Variants in LSS observed in about 807,000 individuals in gnomAD.
LSS encodes the protein lanosterol synthase, also known as 2,3-epoxysqualene-lanosterol cyclase.
In LSS, 90 loss-of-function variants were observed where a neutral mutation model predicts 110.3. That is an observed-to-expected ratio of 0.82 (90% CI 0.69 to 0.97). The LOEUF is 0.97. Among genes scored for constraint, LSS ranks in the 50% least tolerant of loss-of-function variants. The pLI is 0.00. For synonymous variants in LSS, 433 were observed against 400.0 expected, an observed-to-expected ratio of 1.08 and a Z score of -0.98; for missense variants, 927 against 990.0, an observed-to-expected ratio of 0.94 and a Z score of 0.85.
chr21:46,194,706 C>T (rs766566511), intron 19 of LSS, 45 bp from the exon 20 acceptor site: 1 of 1,574,246 alleles, frequency 6.4e-7, no homozygotes, highest in South Asian at 1.1e-5. Flanking sequence ...CAAGGAAGGT[C>T]CCAGACCCCT....
chr21:46,205,604 A>G (rs2080036735), intron 17 of LSS, among the ~76,000 whole-genome samples: 1 of 152,264 alleles, frequency 6.6e-6, no homozygotes, highest in South Asian at 2.1e-4. Context: ...ACATTATTAA[A>G]AGAGAGAGAA....
chr21:46,215,115 T>C (rs2080182475), intron 9 of LSS, 65 bp downstream of exon 9: 1 of 1,380,798 alleles, frequency 7.2e-7, no homozygotes, highest in East Asian at 2.3e-5. Flanking sequence ...GCCCGGCCTC[T>C]AGGACTTCAC....
chr21:46,197,841 A>C (rs976038059), intron 17 of LSS, among the ~76,000 whole-genome samples: 7 of 151,070 alleles, frequency 4.6e-5, no homozygotes, highest in Non-Finnish European at 7.4e-5. Flanking sequence ...GTGAGCTGAG[A>C]TTGTGCCACT....
rs1326525876 is a variant in LSS at position 46,207,444 on chromosome 21, C to T, written c.1451G>A (p.Cys484Tyr). ...CAGCCTTACCACAGCCACAGCATCG[C>T]AGAGCCGTTCTCTGGGGATGTGCTC... Reference protein sequence around the residue: ...VTEHIPRERLCDAVAVLLNMR... With the variant: ...VTEHIPRERLYDAVAVLLNMR... Residue 484 changes from cysteine to tyrosine, a missense_variant, in exon 15 of 22, where the codon TGC (cysteine) becomes TAC (tyrosine). By Grantham distance (194) the Cys-to-Tyr change is radical. Transcript: ENST00000397728. 1.9e-6 allele frequency: 3 copies of T among 1,612,444 alleles called. No homozygotes were observed. Among genetic ancestry groups the T allele is most frequent in the Non-Finnish European group, 1.7e-6 (2 of 1,179,648 alleles).
At chr21:46,228,325 G>A (rs2080381924) in intron 2 of LSS, 109 bp downstream of exon 2, 1 of 1,292,288 alleles carries the variant, frequency 7.7e-7, no homozygotes, top group South Asian at 1.5e-5. Context: ...CCTTGGGGAT[G>A]GGCGTCGCTG....
rs1267286947 is a variant in LSS at position 46,209,995 on chromosome 21, G to A, written c.1195-370C>T. Among the ~76,000 whole-genome samples, 2 of 150,788 alleles carry A rather than the reference G, an allele frequency of 1.3e-5. No individual in the cohort carries two copies. Among genetic ancestry groups the A allele is most frequent in the African/African-American group, 2.4e-5 (1 of 40,934 alleles). On this transcript the variant is annotated intron_variant, in intron 12 of 21. Transcript: ENST00000397728. The surrounding 1 kb of genome is among the most constrained non-coding windows in gnomAD (Gnocchi z 4.4). ...AATCCCACCTACCTCATTCCCACCG[G>A]CATAAAAATCCACTCTCGTTTTTCT...
intron 6 of LSS, among the ~76,000 whole-genome samples, chr21:46,217,243 C>CAAAAAAAA (rs752647829): frequency 7.1e-5 from 3 of 42,406 alleles, no homozygotes; most frequent in Non-Finnish European, 1.1e-4. Context: ...GACTCTGTCT[C>CAAAAAAAA]AAAAAAAAAA....
Position 46,215,781 on chromosome 21 carries a change from C to T in LSS, c.796G>A (p.Glu266Lys). Residue 266 changes from glutamate (E) to lysine (K), a missense_variant, in exon 8 of 22, where the codon GAG becomes AAG. Transcript: ENST00000397728. ...VQSLRQELYV[E>K]DFASIDWLAQ... ...AGCCAGTCAATGCTGGCGAAGTCCT[C>T]CACATAGAGCTCCTGGTGGGGGCAG... 6.2e-7 allele frequency: 1 copy of T among 1,610,290 alleles called. No individual in the cohort carries two copies. Among genetic ancestry groups the T allele is most frequent in the South Asian group, 1.1e-5 (1 of 90,628 alleles).
At chr21:46,220,825 G>C (rs2080268593) in intron 5 of LSS, among the ~76,000 whole-genome samples, 1 of 151,766 alleles carries the variant, frequency 6.6e-6, no homozygotes. Context: ...TTGGGGCTTG[G>C]AGAGGTGGAC....
intron 17 of LSS, among the ~76,000 whole-genome samples, chr21:46,205,168 T>C (rs958335521): frequency 1.3e-5 from 2 of 152,198 alleles, no homozygotes; most frequent in African/African-American, 2.4e-5. Flanking sequence ...TGCTTCATAA[T>C]AACCCAGACT....
At chr21:46,199,553 T>G (rs957960360) in intron 17 of LSS, among the ~76,000 whole-genome samples, 1 of 152,204 alleles carries the variant, frequency 6.6e-6, no homozygotes, top group African/African-American at 2.4e-5. Context: ...CACGCTAACA[T>G]TGATAGCAAC....
chr21:46,210,426 A>G (rs368203721), intron 12 of LSS, among the ~76,000 whole-genome samples: 45 of 152,194 alleles, frequency 3.0e-4, no homozygotes, highest in African/African-American at 1.0e-3. Context: ...TCTCAGAAAC[A>G]GCCTTCACCA....
At chr21:46,218,733 T>C (rs1411915235) in intron 6 of LSS, among the ~76,000 whole-genome samples, 2 of 151,278 alleles carry the variant, frequency 1.3e-5, no homozygotes, top group Non-Finnish European at 3.0e-5. Context: ...TGATCTTTTT[T>C]TTTTTTTTTT....
At chr21:46,193,538 G>A (rs1244429910) in intron 20 of LSS, 10 of 438,090 alleles carry the variant, frequency 2.3e-5, no homozygotes, top group African/African-American at 1.1e-4. Flanking sequence ...ATGTACCTAC[G>A]TCTGTGTGTG....
Position 46,191,025 on chromosome 21 carries a change from TG to T in LSS, c.*78del, listed in dbSNP as rs142247529. ...GGGGTTGGAGCCCAAGACAGGGTTA[TG>T]GGAGGGCTCCCCAACCCGGCCAGGA... On this transcript the variant is annotated 3_prime_UTR_variant, in exon 22 of 22. Coordinates refer to ENST00000397728, the MANE Select transcript of LSS (RefSeq NM_002340.6). 29,701 of 1,555,320 alleles carry T rather than the reference TG, an allele frequency of 0.019. 1,204 individuals are homozygous for T. Among genetic ancestry groups the T allele is most frequent in the African/African-American group, 0.14 (10,207 of 73,832 alleles).
chr21:46,188,843 T>G lies in LSS; in HGVS notation c.*2261A>C. ...GCCACTGTGAAGGAAAACAATGCAG[T>G]GAAAGAAAGTTCCTCCTATGTGGAC... is the stretch of plus-strand genomic sequence containing the variant. On this transcript the variant is annotated 3_prime_UTR_variant, in exon 22 of 22. Coordinates refer to ENST00000397728, the MANE Select transcript of LSS (RefSeq NM_002340.6). 1 of 460,764 alleles carries G rather than the reference T, an allele frequency of 2.2e-6. No homozygotes were observed. The highest frequency in any genetic ancestry group is 4.6e-6 in the Non-Finnish European group (1 of 219,760). The allele number at this position is 460,764 out of a possible 1,614,324, so 28.5% of individuals were successfully genotyped here. A position where few individuals can be genotyped will look rare whatever the true frequency, so the allele number is the denominator to read the frequency against.
intron 11 of LSS, among the ~76,000 whole-genome samples, chr21:46,211,537 G>C (rs2080134995): frequency 6.6e-6 from 1 of 152,192 alleles, no homozygotes; most frequent in African/African-American, 2.4e-5. Context: ...TACACAGCCT[G>C]GTCTCAGTTC....
In LSS at chr21:46,191,142, G is replaced by T; in HGVS notation, c.2161C>A (p.Gln721Lys). The change falls in exon 22 of 22, where the codon CAG becomes AAG. Residue 721 changes from glutamine (Q) to lysine (K), a missense_variant. By Grantham distance (53) the Gln-to-Lys change is moderately conservative. Transcript: ENST00000397728. ...GCAAGGGCTCTCTCAGGGTACAGCT[G>T]GGAGAAGCGGCCGAGGGCCCAGATG... ...FPIWALGRFS[Q>K]LYPERALAGH... 6.2e-7 allele frequency: 1 copy of T among 1,614,012 alleles called. No individual in the cohort carries two copies.
At chr21:46,214,342 T>G (rs1468360418) in intron 9 of LSS, among the ~76,000 whole-genome samples, 1 of 152,248 alleles carries the variant, frequency 6.6e-6, no homozygotes, top group African/African-American at 2.4e-5. Flanking sequence ...TCTAATGCGT[T>G]TAGTACAGAT....
Sources: gnomAD v4.1 joint callset for allele counts (sites outside exome capture counted in the v4.1 genomes callset) on GRCh38, gnomAD v4.1.1 for gene constraint, Gnocchi (gnomAD v3.1) non-coding constraint, MANE v1.5 for transcripts, NCBI Gene and HGNC (gene_info 2026-07-23, HGNC 2026-07-21) for gene names.